Variants in ACOXL observed in about 807,000 individuals in gnomAD.
The protein encoded by ACOXL is acyl-CoA oxidase like.
A neutral mutation model predicts 71.9 loss-of-function variants in ACOXL; 70 were observed. That is an observed-to-expected ratio of 0.97 (90% CI 0.80 to 1.19). The LOEUF (loss-of-function observed/expected upper bound fraction) is 1.19, where lower values mean the gene tolerates loss of function less well. Ranked by LOEUF, ACOXL falls within the 50% of genes most tolerant of loss-of-function variation. The pLI, the probability that ACOXL is intolerant of heterozygous loss-of-function variation, is 0.00. For synonymous variants in ACOXL, 253 were observed against 281.6 expected (o/e 0.90, Z 1.02); for missense variants, 703 against 736.3 (o/e 0.95, Z 0.52).
chr2:110,797,899 A>C (rs1685467236), intron 5 of ACOXL, among the ~76,000 whole-genome samples: 1 of 152,254 alleles, frequency 6.6e-6, no homozygotes. Flanking sequence ...GAAGTAGTCT[A>C]GCGAGATAAT....
chr2:111,109,796 A>C (rs1403975821), intron 17 of ACOXL, among the ~76,000 whole-genome samples: 2 of 145,284 alleles, frequency 1.4e-5, no homozygotes, highest in Non-Finnish European at 3.0e-5. Context: ...CTTGTGTCTC[A>C]GCCTCCCAAG....
chr2:111,051,721 C>T (rs1003555294), intron 16 of ACOXL, among the ~76,000 whole-genome samples: 3 of 152,176 alleles, frequency 2.0e-5, no homozygotes, highest in Non-Finnish European at 4.4e-5. Flanking sequence ...CCACCCGCCT[C>T]GGCCTCCCAA....
At chr2:110,886,993 G>A (rs1042318821) in intron 10 of ACOXL, 22 of 1,016,868 alleles carry the variant, frequency 2.2e-5, no homozygotes, top group Non-Finnish European at 3.1e-5. Flanking sequence ...TGAGAATGTT[G>A]TGTGGCAAGA....
At chr2:110,796,454 G>A (rs895478752) in intron 5 of ACOXL, among the ~76,000 whole-genome samples, 1 of 152,144 alleles carries the variant, frequency 6.6e-6, no homozygotes, top group African/African-American at 2.4e-5. Flanking sequence ...TTTAATGCCC[G>A]AGTTTGGGCT....
chr2:110,858,554 A>G (rs1045484045), intron 10 of ACOXL, among the ~76,000 whole-genome samples: 20 of 152,282 alleles, frequency 1.3e-4, no homozygotes, highest in African/African-American at 4.8e-4. Flanking sequence ...GCTGCCTGAC[A>G]TTTGCTTCAC....
chr2:111,018,290 A>G (rs943649661), intron 14 of ACOXL, among the ~76,000 whole-genome samples: 3 of 152,132 alleles, frequency 2.0e-5, no homozygotes, highest in African/African-American at 7.2e-5. Context: ...CATAGGGGCT[A>G]GGATAGCCGT....
intron 11 of ACOXL, among the ~76,000 whole-genome samples, chr2:110,920,156 G>A (rs1278786373): frequency 6.6e-6 from 1 of 152,190 alleles, no homozygotes; most frequent in Non-Finnish European, 1.5e-5. Context: ...GTTTTCCAAA[G>A]TGGTTGTATC....
At chr2:110,853,444 A>C (rs1174787881) in intron 10 of ACOXL, among the ~76,000 whole-genome samples, 5 of 152,230 alleles carry the variant, frequency 3.3e-5, no homozygotes, top group Non-Finnish European at 7.3e-5. Flanking sequence ...CTCAGTTGGC[A>C]TAGGCTGAAT....
intron 12 of ACOXL, among the ~76,000 whole-genome samples, chr2:110,981,628 T>C (rs919384743): frequency 1.3e-5 from 2 of 152,224 alleles, no homozygotes; most frequent in African/African-American, 4.8e-5. Flanking sequence ...TATATATGAA[T>C]GAACAAATGA....
intron 10 of ACOXL, among the ~76,000 whole-genome samples, chr2:110,895,565 G>A (rs2058974367): frequency 6.6e-6 from 1 of 151,922 alleles, no homozygotes. Flanking sequence ...GATGAAAGAA[G>A]CTAAGCAAAC....
At chr2:110,889,742 A>G (rs1697727199) in intron 10 of ACOXL, among the ~76,000 whole-genome samples, 1 of 152,166 alleles carries the variant, frequency 6.6e-6, no homozygotes, top group Admixed American at 6.5e-5. Context: ...CCCATTCATC[A>G]ACTGATGGAC....
chr2:110,921,396 C>A (rs1410435339), intron 11 of ACOXL, among the ~76,000 whole-genome samples: 3 of 130,636 alleles, frequency 2.3e-5, no homozygotes, highest in Non-Finnish European at 5.0e-5. Flanking sequence ...CCACCCCCCC[C>A]CCCCTTTTTT....
intron 12 of ACOXL, among the ~76,000 whole-genome samples, chr2:110,965,920 C>T (rs2061906134): frequency 6.6e-6 from 1 of 152,146 alleles, no homozygotes; most frequent in African/African-American, 2.4e-5. Context: ...AAATATGCTC[C>T]AGGAGACACC....
At chr2:111,115,944 C>T (rs2070322493) in intron 17 of ACOXL, among the ~76,000 whole-genome samples, 1 of 152,218 alleles carries the variant, frequency 6.6e-6, no homozygotes, top group South Asian at 2.1e-4. Flanking sequence ...TAATTCCTAC[C>T]TCTGGCCCTA....
chr2:111,093,382 G>C, intron 17 of ACOXL: 2 of 1,466,276 alleles, frequency 1.4e-6, no homozygotes, highest in Non-Finnish European at 1.9e-6. Flanking sequence ...ACCTGAAAAA[G>C]AAGGTGAGGC....
intron 15 of ACOXL, among the ~76,000 whole-genome samples, chr2:111,044,933 C>T (rs1230826110): frequency 6.6e-6 from 1 of 152,176 alleles, no homozygotes; most frequent in African/African-American, 2.4e-5. Context: ...TCTCCTTGAT[C>T]CCCAACCTCA....
chr2:111,043,278 CA>C (rs1480852412), intron 15 of ACOXL, among the ~76,000 whole-genome samples: 1 of 152,214 alleles, frequency 6.6e-6, no homozygotes, highest in East Asian at 1.9e-4. Flanking sequence ...AGACTGGCTG[CA>C]CCATGACTGC....
intron 17 of ACOXL, among the ~76,000 whole-genome samples, chr2:111,104,983 T>C (rs1574778374): frequency 6.6e-6 from 1 of 152,266 alleles, no homozygotes; most frequent in East Asian, 1.9e-4. Flanking sequence ...CCATGATCCA[T>C]TTTTAGTTAC....
At chr2:110,847,429 A>G (rs1170962714) in intron 10 of ACOXL, among the ~76,000 whole-genome samples, 3 of 152,164 alleles carry the variant, frequency 2.0e-5, no homozygotes, top group Non-Finnish European at 4.4e-5. Context: ...TTCTAAGAAG[A>G]GCTCGTGAAA....
Sources: gnomAD v4.1 joint callset for allele counts (sites outside exome capture counted in the v4.1 genomes callset) on GRCh38, gnomAD v4.1.1 for gene constraint, MANE v1.5 for transcripts, NCBI Gene and HGNC (gene_info 2026-07-23, HGNC 2026-07-21) for gene names.